The following ACOT11 variants were observed in gnomAD, a reference collection of about 807,000 sequenced individuals.
The protein encoded by ACOT11 is acyl-coenzyme A thioesterase 11.
In ACOT11, 69 loss-of-function variants were observed where a neutral mutation model predicts 77.5. The ratio of observed to expected loss-of-function variants is 0.89; its 90% CI spans 0.73 to 1.09. ACOT11 has a LOEUF of 1.09. Ranked by LOEUF, ACOT11 falls within the 50% of genes least tolerant of loss-of-function variation. The probability of loss-of-function intolerance (pLI) is 0.00; values close to 1 mark genes in which losing one functional copy is unlikely to be tolerated. For synonymous variants in ACOT11, 279 were observed against 313.0 expected (o/e 0.89, Z 1.15); for missense variants, 766 against 813.7 (o/e 0.94, Z 0.71).
rs773059457 is a variant in ACOT11, at chr1:54,609,782, A to G, written c.*670A>G. 3.1e-6 allele frequency: 5 copies of G among 1,613,986 alleles called. No individual in the cohort carries two copies. The highest frequency in any genetic ancestry group is 1.3e-5 in the African/African-American group (1 of 75,036). On this transcript the variant is annotated 3_prime_UTR_variant, in exon 16 of 16. Coordinates refer to ENST00000343744, the MANE Select transcript of ACOT11 (RefSeq NM_147161.4). ...TGGCCGGAGGGCTGCGGGCTCCGCT[A>G]TTTGCAAATGGATGCCCCAGTGTCC...
intron 12 of ACOT11, 91 bp from the exon 13 acceptor site, chr1:54,604,985 C>CTG (rs1644007809): frequency 7.2e-7 from 1 of 1,398,196 alleles, no homozygotes; most frequent in African/African-American, 1.4e-5. Flanking sequence ...AGCAAGTCAG[C>CTG]TGTAGCCCTG....
intron 1 of ACOT11, among the ~76,000 whole-genome samples, chr1:54,565,274 T>C (rs1044616698): frequency 1.3e-5 from 2 of 152,194 alleles, no homozygotes; most frequent in African/African-American, 4.8e-5. Context: ...ACTGCCTGGG[T>C]GGGATCCACA....
chr1:54,590,398 G>A (rs936870194), intron 3 of ACOT11, among the ~76,000 whole-genome samples: 1 of 152,180 alleles, frequency 6.6e-6, no homozygotes, highest in East Asian at 1.9e-4. Context: ...GCCCTGAGGA[G>A]GCTGGGCAGT....
intron 6 of ACOT11, among the ~76,000 whole-genome samples, chr1:54,596,560 G>C (rs1654905758): frequency 6.6e-6 from 1 of 152,166 alleles, no homozygotes; most frequent in African/African-American, 2.4e-5. Context: ...ATATTTACTG[G>C]AGTCAAGTAC....
chr1:54,552,830 GTTTT>G (rs199905803), intron 1 of ACOT11, among the ~76,000 whole-genome samples: 1 of 132,286 alleles, frequency 7.6e-6, no homozygotes, highest in African/African-American at 2.8e-5. Flanking sequence ...TTTTTGTTTT[GTTTT>G]TTTTTTTTTT....
At chr1:54,552,138 G>C (rs938817101) in intron 1 of ACOT11, among the ~76,000 whole-genome samples, 3 of 152,086 alleles carry the variant, frequency 2.0e-5, no homozygotes, top group Non-Finnish European at 4.4e-5. Context: ...TGATCCCTGA[G>C]GTCCCCACCA....
At chr1:54,600,132 T>C (rs367897635) in intron 8 of ACOT11, among the ~76,000 whole-genome samples, 14 of 152,218 alleles carry the variant, frequency 9.2e-5, no homozygotes, top group East Asian at 3.8e-4. Context: ...AGGTCAGCCA[T>C]TGTGGCTGCT....
At chr1:54,596,018 G>A (rs149318696) in intron 6 of ACOT11, among the ~76,000 whole-genome samples, 32 of 152,272 alleles carry the variant, frequency 2.1e-4, no homozygotes, top group African/African-American at 7.2e-4. Flanking sequence ...AGTCATCAAG[G>A]CCCCTTTGAT....
chr1:54,590,471 G>A (rs2100986442), intron 3 of ACOT11, among the ~76,000 whole-genome samples: 1 of 152,284 alleles, frequency 6.6e-6, no homozygotes, highest in South Asian at 2.1e-4. Context: ...CAGGAAGGAG[G>A]AGGAGCTTAG....
chr1:54,634,287 C>T (rs1644318369), intron 16 of ACOT11, among the ~76,000 whole-genome samples: 5 of 152,118 alleles, frequency 3.3e-5, no homozygotes. Flanking sequence ...AAATTTAAAC[C>T]AATTGAAGGT....
chr1:54,611,746 C>G (rs780265540), downstream of ACOT11: 3 of 1,614,026 alleles, frequency 1.9e-6, no homozygotes, highest in South Asian at 1.1e-5. Flanking sequence ...CAGGCTGTAC[C>G]TGGGGACACG....
chr1:54,584,621 T>C lies in ACOT11; in HGVS notation c.34-34T>C, dbSNP rs1330499041. On this transcript the variant is annotated intron_variant, in intron 1 of 15. Coordinates refer to ENST00000343744, the MANE Select transcript of ACOT11 (RefSeq NM_147161.4). This position sits in a 1 kb window ranked among gnomAD's most constrained non-coding sequence, Gnocchi z 6.3. ...TGGGAGACCCTGCAGCAAGCAGACC[T>C]CTCTGTCCCCACCTGTCCCCACCTG... The C allele has an allele frequency of 6.3e-6, 10 of 1,599,492 alleles. No homozygotes were observed. The highest frequency in any genetic ancestry group is 8.5e-6 in the Non-Finnish European group (10 of 1,170,714).
chr1:54,616,666 C>G (rs1569793177), intron 15 of ACOT11, among the ~76,000 whole-genome samples: 1 of 152,186 alleles, frequency 6.6e-6, no homozygotes. Flanking sequence ...AGCCACCGTG[C>G]CCGGCCCTAT....
In ACOT11 at chr1:54,607,760, C is replaced by G. The variant is rs1185559802; in HGVS notation, c.1503-182C>G. ...TGAATTCAGTGCTAACCCACAGGTA[C>G]CTCCTCCCTCCAGCCTGGCCCTGAG... On this transcript the variant is annotated intron_variant, in intron 14 of 15. Coordinates refer to ENST00000343744, the MANE Select transcript of ACOT11 (RefSeq NM_147161.4). This position sits in a 1 kb window ranked among gnomAD's most constrained non-coding sequence, Gnocchi z 4.5. Among the ~76,000 whole-genome samples the G allele has an allele frequency of 1.3e-5, 2 of 152,132 alleles. No homozygotes were observed. The highest frequency in any genetic ancestry group is 1.3e-4 in the Admixed American group (2 of 15,278).
intron 6 of ACOT11, among the ~76,000 whole-genome samples, chr1:54,595,413 A>T (rs1654864474): frequency 6.6e-6 from 1 of 152,146 alleles, no homozygotes; most frequent in African/African-American, 2.4e-5. Context: ...GCTTATGTGT[A>T]TGTGTGTGTA....
chr1:54,618,489 A>G (rs1297549136), intron 15 of ACOT11, among the ~76,000 whole-genome samples: 1 of 152,182 alleles, frequency 6.6e-6, no homozygotes, highest in Non-Finnish European at 1.5e-5. Flanking sequence ...TGGGCAACAG[A>G]GCAAGATCCT....
At chr1:54,564,689 C>T (rs779138406) in intron 1 of ACOT11, among the ~76,000 whole-genome samples, 5 of 152,154 alleles carry the variant, frequency 3.3e-5, no homozygotes, top group African/African-American at 4.8e-5. Flanking sequence ...GATACAGCCC[C>T]GTGAGTGGTG....
chr1:54,584,682 A>G lies in ACOT11; in HGVS notation c.61A>G (p.Thr21Ala). 1 of 1,614,124 alleles carries G rather than the reference A, an allele frequency of 6.2e-7. No homozygotes were observed. Among genetic ancestry groups the G allele is most frequent in the Non-Finnish European group, 8.5e-7 (1 of 1,179,986 alleles). Residue 21 changes from threonine (T) to alanine (A), a missense_variant, in exon 2 of 16, where the codon ACA becomes GCA. Transcript: ENST00000343744. This position sits in a 1 kb window ranked among gnomAD's most constrained non-coding sequence, Gnocchi z 6.3. ...CTTGGCCTCTGTGTTCTCCAACCGC[A>G]CATCCCGGAAGTCAGCCTTACGTGC... is the stretch of plus-strand genomic sequence containing the variant. ...RGLASVFSNRTSRKSALRAGN... is the reference protein window; with the variant it reads ...RGLASVFSNRASRKSALRAGN...
In ACOT11 at chr1:54,597,007, A is replaced by G. The variant is rs567747537; in HGVS notation, c.608-252A>G. On this transcript the variant is annotated intron_variant, in intron 6 of 15. Coordinates refer to ENST00000343744, the MANE Select transcript of ACOT11 (RefSeq NM_147161.4). ...TTACTTGATTTGCCCAAGGCCATAC[A>G]GGCAGTCTGGAGTGGAGCTGAGGCT... 4.7e-3 allele frequency among the ~76,000 whole-genome samples: 713 copies of G among 152,364 alleles called. 1 individual carries two copies. Among genetic ancestry groups the G allele is most frequent in the Middle Eastern group, 0.01 (3 of 294 alleles).
Sources: gnomAD v4.1 joint callset for allele counts (sites outside exome capture counted in the v4.1 genomes callset) on GRCh38, gnomAD v4.1.1 for gene constraint, Gnocchi (gnomAD v3.1) non-coding constraint, MANE v1.5 for transcripts, NCBI Gene and HGNC (gene_info 2026-07-23, HGNC 2026-07-21) for gene names.